NALF1: variants seen among roughly 807,000 people sequenced by gnomAD.
NALF1 encodes the protein NALCN channel auxiliary factor 1, also known as family with sequence similarity 155 member A.
In NALF1, 3 loss-of-function variants were observed where a neutral mutation model predicts 48.4. The observed-to-expected ratio is 0.06, with a 90% confidence interval of 0.03 to 0.16. The LOEUF (loss-of-function observed/expected upper bound fraction) is 0.16, where lower values mean the gene tolerates loss of function less well. NALF1 is among the 10% of genes least tolerant of loss of function. The pLI is 1.00. For missense variants in NALF1, 526 were observed against 571.5 expected (o/e 0.92, Z 0.81); for synonymous variants, 262 against 245.7 (o/e 1.07, Z -0.62).
intron 1 of NALF1, among the ~76,000 whole-genome samples, chr13:107,636,271 G>A (rs535353960): frequency 1.3e-5 from 2 of 152,096 alleles, no homozygotes; most frequent in South Asian, 2.1e-4. Context: ...AACCAAAGCC[G>A]CCAAACAAGA....
intron 1 of NALF1, among the ~76,000 whole-genome samples, chr13:107,705,377 G>C (rs1192670351): frequency 3.3e-5 from 5 of 152,188 alleles, no homozygotes; most frequent in Non-Finnish European, 5.9e-5. Flanking sequence ...ATTTACTGCA[G>C]TTAGAACCAG....
intron 1 of NALF1, among the ~76,000 whole-genome samples, chr13:107,702,173 T>C (rs1421587596): frequency 6.6e-6 from 1 of 152,182 alleles, no homozygotes; most frequent in Non-Finnish European, 1.5e-5. Context: ...TCAGATCTGA[T>C]GTAAATTATG....
chr13:107,399,098 C>T (rs1025055911), intron 1 of NALF1, among the ~76,000 whole-genome samples: 9 of 151,972 alleles, frequency 5.9e-5, no homozygotes, highest in African/African-American at 2.2e-4. Flanking sequence ...TTGTGCGCAC[C>T]GTATTTACTG....
chr13:107,174,483 G>C (rs959875637), intron 2 of NALF1, among the ~76,000 whole-genome samples: 1 of 151,684 alleles, frequency 6.6e-6, no homozygotes, highest in Non-Finnish European at 1.5e-5. Flanking sequence ...AGCCTCCCCA[G>C]TAGCTGGAAC....
At chr13:107,276,598 G>C (rs915022553) in intron 1 of NALF1, among the ~76,000 whole-genome samples, 2 of 152,126 alleles carry the variant, frequency 1.3e-5, no homozygotes, top group African/African-American at 4.8e-5. Flanking sequence ...TTCAAAAGAA[G>C]AAGATATTTA....
intron 1 of NALF1, among the ~76,000 whole-genome samples, chr13:107,848,429 T>C (rs1245698474): frequency 6.6e-6 from 1 of 152,216 alleles, no homozygotes; most frequent in Non-Finnish European, 1.5e-5. Flanking sequence ...GGTTCATTAA[T>C]TTGAAAACAG....
At chr13:107,458,472 G>C (rs1303860541) in intron 1 of NALF1, among the ~76,000 whole-genome samples, 1 of 152,226 alleles carries the variant, frequency 6.6e-6, no homozygotes, top group Non-Finnish European at 1.5e-5. Flanking sequence ...GGGATGCCCA[G>C]TAATGGCCAT....
chr13:107,594,956 CT>C (rs1442202778), intron 1 of NALF1, among the ~76,000 whole-genome samples: 1 of 151,788 alleles, frequency 6.6e-6, no homozygotes, highest in Non-Finnish European at 1.5e-5. Context: ...ACTGAGTTGC[CT>C]GTACACTTTC....
intron 1 of NALF1, among the ~76,000 whole-genome samples, chr13:107,422,687 G>T (rs1220398003): frequency 6.6e-6 from 1 of 152,038 alleles, no homozygotes; most frequent in Non-Finnish European, 1.5e-5. Flanking sequence ...CCTGTGAAAA[G>T]ACAGCTTACA....
chr13:107,603,838 G>T (rs910977454), intron 1 of NALF1, among the ~76,000 whole-genome samples: 1 of 152,092 alleles, frequency 6.6e-6, no homozygotes, highest in African/African-American at 2.4e-5. Flanking sequence ...TGCACGTTTA[G>T]ACACTCTCAT....
intron 1 of NALF1, among the ~76,000 whole-genome samples, chr13:107,615,293 C>T (rs1441052658): frequency 6.6e-6 from 1 of 152,132 alleles, no homozygotes; most frequent in Non-Finnish European, 1.5e-5. Context: ...AGTAGGTACT[C>T]AATAACAATT....
chr13:107,471,081 A>G (rs1885092688), intron 1 of NALF1, among the ~76,000 whole-genome samples: 1 of 152,188 alleles, frequency 6.6e-6, no homozygotes, highest in Non-Finnish European at 1.5e-5. Flanking sequence ...ACTCTTATCC[A>G]AACCCATTGA....
At chr13:107,472,894 C>A (rs1006895868) in intron 1 of NALF1, among the ~76,000 whole-genome samples, 1 of 152,142 alleles carries the variant, frequency 6.6e-6, no homozygotes, top group African/African-American at 2.4e-5. Flanking sequence ...TCCTATTAGT[C>A]CTGTCCCTCT....
intron 1 of NALF1, among the ~76,000 whole-genome samples, chr13:107,367,729 G>A: frequency 6.6e-6 from 1 of 152,134 alleles, no homozygotes. Flanking sequence ...TTGACATCAT[G>A]GCTACCTTGA....
At chr13:107,722,727 A>C (rs1876022232) in intron 1 of NALF1, among the ~76,000 whole-genome samples, 1 of 152,164 alleles carries the variant, frequency 6.6e-6, no homozygotes, top group African/African-American at 2.4e-5. Flanking sequence ...TCCACCCCTC[A>C]TTTCCATCTG....
chr13:107,436,956 A>C (rs1406864233), intron 1 of NALF1, among the ~76,000 whole-genome samples: 1 of 152,182 alleles, frequency 6.6e-6, no homozygotes, highest in East Asian at 1.9e-4. Flanking sequence ...TAAATAGCCA[A>C]GACATGACTT....
intron 1 of NALF1, among the ~76,000 whole-genome samples, chr13:107,860,903 T>G (rs1218113619): frequency 6.6e-6 from 1 of 152,256 alleles, no homozygotes; most frequent in East Asian, 1.9e-4. Flanking sequence ...ATCATGTATA[T>G]GTGGACACTA....
At chr13:107,395,054 AGT>A (rs1176815835) in intron 1 of NALF1, among the ~76,000 whole-genome samples, 1 of 152,186 alleles carries the variant, frequency 6.6e-6, no homozygotes, top group Non-Finnish European at 1.5e-5. Context: ...TATAAGGCAT[AGT>A]CCCCTTGCTA....
At chr13:107,352,209 G>C (rs894534462) in intron 1 of NALF1, among the ~76,000 whole-genome samples, 14 of 152,118 alleles carry the variant, frequency 9.2e-5, no homozygotes, top group African/African-American at 3.4e-4. Flanking sequence ...GGTAAGTTGT[G>C]TTTCATGGGA....
Sources: gnomAD v4.1 joint callset for allele counts (sites outside exome capture counted in the v4.1 genomes callset) on GRCh38, gnomAD v4.1.1 for gene constraint, MANE v1.5 for transcripts, NCBI Gene and HGNC (gene_info 2026-07-23, HGNC 2026-07-21) for gene names.